TUBB4A: variants seen among roughly 807,000 people sequenced by gnomAD.
TUBB4A encodes tubulin beta 4A class IVa, also known as tubulin beta-4A chain.
TUBB4A carries 13 observed loss-of-function variants against 35.1 expected under a neutral mutation model. The ratio of observed to expected loss-of-function variants is 0.37; its 90% CI spans 0.24 to 0.59. TUBB4A has a LOEUF of 0.59. Ranked by LOEUF, TUBB4A falls within the 20% of genes least tolerant of loss-of-function variation. The pLI is 0.71. For missense variants in TUBB4A, 299 were observed against 647.2 expected (o/e 0.46, Z 5.84); for synonymous variants, 279 against 272.4 (o/e 1.02, Z -0.24).
chr19:6,495,677 G>C lies in TUBB4A; in HGVS notation c.822C>G (p.Thr274=). 1 of 1,614,104 alleles carries C rather than the reference G, an allele frequency of 6.2e-7. No individual in the cohort carries two copies. Among genetic ancestry groups the C allele is most frequent in the Non-Finnish European group, 8.5e-7 (1 of 1,179,964 alleles). Residue 274 remains threonine, a synonymous_variant, in exon 4 of 4, where the codon ACC becomes ACG. Transcript: ENST00000264071. This position sits in a 1 kb window ranked among gnomAD's most constrained non-coding sequence, Gnocchi z 8.7. ...HFFMPGFAPL[T]SRGSQQYRAL... ...CCCGGTACTGCTGGCTGCCCCGGCT[G>C]GTCAGGGGTGCGAAGCCGGGCATGA...
In TUBB4A at chr19:6,502,183, G is replaced by A; in HGVS notation, c.30C>T (p.Gly10=). ...TGGCCCCGATCTGGTTGCCGCACTG[G>A]CCGGCCTGCAGGTGCACGATCTCCC... is the stretch of plus-strand genomic sequence containing the variant. MREIVHLQA[G]QCGNQIGAKF... is the part of the protein sequence containing the mutation. Residue 10 remains glycine (G), a synonymous_variant, in exon 1 of 4, where the codon GGC becomes GGT. Coordinates refer to ENST00000264071, the MANE Select transcript of TUBB4A (RefSeq NM_006087.4). The A allele has an allele frequency of 6.3e-7, 1 of 1,575,960 alleles. No homozygotes were observed. Among genetic ancestry groups the A allele is most frequent in the East Asian group, 2.4e-5 (1 of 41,954 alleles).
At chr19:6,499,301 CAAA>C (rs76385255) in intron 3 of TUBB4A, among the ~76,000 whole-genome samples, 2 of 127,666 alleles carry the variant, frequency 1.6e-5, no homozygotes, top group Non-Finnish European at 1.7e-5. Flanking sequence ...GACTCCGTCT[CAAA>C]AAAAAAAAAA....
intron 3 of TUBB4A, among the ~76,000 whole-genome samples, chr19:6,498,382 A>G (rs911238255): frequency 6.6e-6 from 1 of 152,052 alleles, no homozygotes; most frequent in Non-Finnish European, 1.5e-5. Context: ...CTTATCACCC[A>G]GTCTGTCCTC....
Position 6,495,749 on chromosome 19 carries a change from C to T in TUBB4A, c.750G>A (p.Leu250=). The change falls in exon 4 of 4, where the codon CTG becomes CTA. Residue 250 remains leucine, a synonymous_variant. Coordinates refer to ENST00000264071, the MANE Select transcript of TUBB4A (RefSeq NM_006087.4). The surrounding 1 kb of genome is among the most constrained non-coding windows in gnomAD (Gnocchi z 8.7). The part of the protein sequence containing the change: ...LRFPGQLNAD[L]RKLAVNMVPF... Reference sequence around the variant, plus strand: ...GAACCATGTTGACGGCCAGCTTGCGCAGGTCGGCGTTCAGCTGGCCCGGGA... The same window carrying T: ...GAACCATGTTGACGGCCAGCTTGCGTAGGTCGGCGTTCAGCTGGCCCGGGA... 6.2e-7 allele frequency: 1 copy of T among 1,614,152 alleles called. No individual in the cohort carries two copies. Among genetic ancestry groups the T allele is most frequent in the Non-Finnish European group, 8.5e-7 (1 of 1,180,008 alleles).
intron 3 of TUBB4A, among the ~76,000 whole-genome samples, chr19:6,497,409 A>T (rs146029166): frequency 1.3e-5 from 2 of 151,392 alleles, no homozygotes; most frequent in African/African-American, 4.8e-5. Flanking sequence ...CTACAGGCTT[A>T]TGCTACCAGA....
chr19:6,501,209 G>T lies in TUBB4A; in HGVS notation c.277+78C>A. 8.1e-7 allele frequency: 1 copy of T among 1,233,764 alleles called. No homozygotes were observed. 76.4% of individuals were successfully genotyped at this position (1,233,764 alleles called of 1,614,324 possible). A position where few individuals can be genotyped will look rare whatever the true frequency, so the allele number is the denominator to read the frequency against. On this transcript the variant is annotated intron_variant, in intron 3 of 3. Transcript: ENST00000264071. This position sits in a 1 kb window ranked among gnomAD's most constrained non-coding sequence, Gnocchi z 4.2. ...ACCCCATCTCTGGTCTGTGGGCCCC[G>T]GTGGTGGCTGTTGACTCTGTGGTGT...
At chr19:6,500,219 C>T (rs1914468070) in intron 3 of TUBB4A, among the ~76,000 whole-genome samples, 1 of 152,204 alleles carries the variant, frequency 6.6e-6, no homozygotes. Context: ...GCCTCAACCT[C>T]CCAGGCTCAA....
At chr19:6,498,359 C>G (rs1218426396) in intron 3 of TUBB4A, among the ~76,000 whole-genome samples, 2 of 152,148 alleles carry the variant, frequency 1.3e-5, no homozygotes, top group Non-Finnish European at 2.9e-5. Context: ...GTCCTGGTCC[C>G]CTGGCTCCTA....
Position 6,495,064 on chromosome 19 carries a change from C to A in TUBB4A, c.*100G>T. 7.0e-7 allele frequency: 1 copy of A among 1,432,420 alleles called. No individual in the cohort carries two copies. The highest frequency in any genetic ancestry group is 9.5e-7 in the Non-Finnish European group (1 of 1,048,518). 88.7% of individuals were successfully genotyped at this position (1,432,420 alleles called of 1,614,324 possible). ...ATTGTTAGGGTCAGCGGGGAGTCAG[C>A]CTTGGAGGGAAAGCGGGGCTCTAGG... On this transcript the variant is annotated 3_prime_UTR_variant, in exon 4 of 4. Coordinates refer to ENST00000264071, the MANE Select transcript of TUBB4A (RefSeq NM_006087.4). This position sits in a 1 kb window ranked among gnomAD's most constrained non-coding sequence, Gnocchi z 8.7.
Position 6,495,183 on chromosome 19 carries a change from G to T in TUBB4A, c.1316C>A (p.Ala439Glu), listed in dbSNP as rs199569370. ...AGCAGCCTAGGCCACCTCCTCCTCC[G>T]CCTCCTCCTCGAACTCGCCCTCCTC... is the stretch of plus-strand genomic sequence containing the variant. ...TAEEGEFEEE[A>E]EEEVA The change falls in exon 4 of 4, where the codon GCG becomes GAG. Residue 439 changes from alanine (A) to glutamate (E), a missense_variant. Physicochemically the swap from Ala to Glu is moderately radical, Grantham distance 107. Coordinates refer to ENST00000264071, the MANE Select transcript of TUBB4A (RefSeq NM_006087.4). This position sits in a 1 kb window ranked among gnomAD's most constrained non-coding sequence, Gnocchi z 8.7. The T allele has an allele frequency of 1.5e-5, 25 of 1,613,802 alleles. 1 individual carries two copies. In the Admixed American group the frequency reaches 3.3e-4, roughly 22 times the overall value.
At chr19:6,499,862 A>C (rs1383309371) in intron 3 of TUBB4A, among the ~76,000 whole-genome samples, 2 of 150,118 alleles carry the variant, frequency 1.3e-5, no homozygotes, top group African/African-American at 2.5e-5. Context: ...CAGTGTCATG[A>C]TCTTGGCTCA....
chr19:6,495,163 C>T lies in TUBB4A; in HGVS notation c.*1G>A. 1 of 1,613,692 alleles carries T rather than the reference C, an allele frequency of 6.2e-7. No individual in the cohort carries two copies. On this transcript the variant is annotated 3_prime_UTR_variant, in exon 4 of 4. Transcript: ENST00000264071. The surrounding 1 kb of genome is among the most constrained non-coding windows in gnomAD (Gnocchi z 8.7). ...GACAGGTGGGAAGCGATGGGAGCAG[C>T]CTAGGCCACCTCCTCCTCCGCCTCC...
At position 6,495,245 on chromosome 19, in the gene TUBB4A, C is replaced by G; in HGVS notation, c.1254G>C (p.Leu418=). Residue 418 remains leucine, a synonymous_variant, in exon 4 of 4, where the codon CTG becomes CTC. Transcript: ENST00000264071. The surrounding 1 kb of genome is among the most constrained non-coding windows in gnomAD (Gnocchi z 8.7). ...FTEAESNMND[L]VSEYQQYQDA... ...CCTGGTACTGCTGGTACTCAGATAC[C>G]AGGTCATTCATGTTGCTCTCGGCCT... 1.9e-6 allele frequency: 3 copies of G among 1,613,888 alleles called. No individual in the cohort carries two copies. Among genetic ancestry groups the G allele is most frequent in the Non-Finnish European group, 2.5e-6 (3 of 1,179,882 alleles).
In TUBB4A at chr19:6,499,270, C is replaced by T. The variant is rs571207524; in HGVS notation, c.277+2017G>A. ...CTGGGAGGTGGAGGTTGCGTCACTG[C>T]ACTCCAGCCTGGGCAACGGAGACTC... On this transcript the variant is annotated intron_variant, in intron 3 of 3. Transcript: ENST00000264071. 2.0e-4 allele frequency among the ~76,000 whole-genome samples: 31 copies of T among 151,700 alleles called. 2 individuals carry two copies. The South Asian group carries it at 6.0e-3, about 30-fold the overall frequency.
Position 6,502,161 on chromosome 19 carries a change from C to T in TUBB4A, c.52G>A (p.Ala18Thr). The part of the protein sequence containing the change: ...QAGQCGNQIG[A>T]KFWEVISDEH... Reference sequence around the variant, plus strand: ...GGGCCCCGTTCCCCGAGCACCTTGGCCCCGATCTGGTTGCCGCACTGGCCG... The same window carrying T: ...GGGCCCCGTTCCCCGAGCACCTTGGTCCCGATCTGGTTGCCGCACTGGCCG... The change falls in exon 1 of 4, where the codon GCC becomes ACC. Residue 18 changes from alanine to threonine, a missense_variant. Ala to Thr is a moderately conservative substitution (Grantham distance 58). Transcript: ENST00000264071. 6.3e-7 allele frequency: 1 copy of T among 1,576,066 alleles called. No homozygotes were observed.
At chr19:6,497,080 G>A (rs1172707253) in intron 3 of TUBB4A, among the ~76,000 whole-genome samples, 1 of 107,798 alleles carries the variant, frequency 9.3e-6, no homozygotes, top group Admixed American at 1.2e-4. Context: ...AGCCAGTCAT[G>A]GTGGTGGCAC....
chr19:6,496,302 G>GTGTGAGCCACCGTGCCCAC, intron 3 of TUBB4A, 81 bp from the exon 4 acceptor site: 1 of 1,356,834 alleles, frequency 7.4e-7, no homozygotes, highest in Non-Finnish European at 1.0e-6. Context: ...CACCTGGAGG[G>GTGTGAGCCACCGTGCCCAC]CCTCTAGTAG....
Position 6,501,333 on chromosome 19 carries a change from A to G in TUBB4A, c.231T>C (p.Arg77=). 1 of 1,614,164 alleles carries G rather than the reference A, an allele frequency of 6.2e-7. No homozygotes were observed. Among genetic ancestry groups the G allele is most frequent in the Non-Finnish European group, 8.5e-7 (1 of 1,179,988 alleles). The change falls in exon 3 of 4, where the codon CGT becomes CGC. Residue 77 remains arginine, a synonymous_variant. Transcript: ENST00000264071. The surrounding 1 kb of genome is among the most constrained non-coding windows in gnomAD (Gnocchi z 4.2). ...DLEPGTMDSV[R]SGPFGQIFRP... ...GAAAGATCTGACCGAAGGGGCCAGA[A>G]CGGACAGAGTCCATGGTGCCGGGTT...
chr19:6,498,112 G>A (rs1384938852), intron 3 of TUBB4A, among the ~76,000 whole-genome samples: 1 of 150,414 alleles, frequency 6.6e-6, no homozygotes, highest in Non-Finnish European at 1.5e-5. Context: ...TCGGGAGGCT[G>A]AGGCAGGAGA....
Sources: allele counts gnomAD v4.1 joint callset (sites outside exome capture counted in the v4.1 genomes callset), GRCh38; gene constraint gnomAD v4.1.1; non-coding constraint Gnocchi (gnomAD v3.1); transcripts MANE v1.5; gene names NCBI Gene and HGNC (gene_info 2026-07-23, HGNC 2026-07-21).